RARB: variants seen among roughly 807,000 people sequenced by gnomAD.
The protein encoded by RARB is retinoic acid receptor beta, also known as HBV-activated protein.
In RARB, 17 loss-of-function variants were observed where a neutral mutation model predicts 51.9. The ratio of observed to expected loss-of-function variants is 0.33; its 90% confidence interval spans 0.22 to 0.49. The LOEUF is 0.49. Among genes scored for constraint, RARB ranks in the 20% least tolerant of loss-of-function variants. The pLI is 0.99. For synonymous variants in RARB, 215 were observed against 195.4 expected, an observed-to-expected ratio of 1.10 and a Z score of -0.84; for missense variants, 369 against 550.8, an observed-to-expected ratio of 0.67 and a Z score of 3.30.
chr3:25,034,322 A>G (rs1230936392), intron 2 of RARB, among the ~76,000 whole-genome samples: 1 of 152,230 alleles, frequency 6.6e-6, no homozygotes, highest in Non-Finnish European at 1.5e-5. Context: ...GAAAAAAAGA[A>G]TAGCTGCCTG....
chr3:25,571,250 T>A (rs1700699395), intron 4 of RARB, among the ~76,000 whole-genome samples: 1 of 152,224 alleles, frequency 6.6e-6, no homozygotes, highest in African/African-American at 2.4e-5. Context: ...GCAGTACTTT[T>A]CAAAACTCAG....
intron 2 of RARB, among the ~76,000 whole-genome samples, chr3:24,958,270 T>TTTTTTG (rs1559411545): frequency 5.8e-5 from 8 of 137,828 alleles, no homozygotes; most frequent in Non-Finnish European, 1.2e-4. Flanking sequence ...TTTTTTTTTT[T>TTTTTTG]TTTTTTTTTT....
intron 5 of RARB, among the ~76,000 whole-genome samples, chr3:25,180,174 C>A (rs17015913): frequency 2.6e-5 from 4 of 152,096 alleles, no homozygotes; most frequent in Non-Finnish European, 5.9e-5. Context: ...CTTCAAGTTA[C>A]TTCTGCCAAT....
chr3:25,447,572 C>T (rs970548643), intron 1 of RARB, among the ~76,000 whole-genome samples: 5 of 152,194 alleles, frequency 3.3e-5, no homozygotes, highest in African/African-American at 1.2e-4. Flanking sequence ...CACCTTGGTC[C>T]TTGCAATGAT....
intron 1 of RARB, among the ~76,000 whole-genome samples, chr3:25,442,168 C>G (rs1708722188): frequency 1.4e-5 from 2 of 138,582 alleles, no homozygotes. Flanking sequence ...CGGAGTCTCA[C>G]TCTGTTGCCT....
At chr3:25,544,186 T>C (rs868602489) in intron 3 of RARB, among the ~76,000 whole-genome samples, 1 of 152,298 alleles carries the variant, frequency 6.6e-6, no homozygotes, top group Middle Eastern at 3.4e-3. Flanking sequence ...AAAAATTGGA[T>C]ATATTATTTT....
At chr3:25,457,106 A>T (rs997397991) in intron 1 of RARB, among the ~76,000 whole-genome samples, 3 of 151,740 alleles carry the variant, frequency 2.0e-5, no homozygotes, top group Non-Finnish European at 1.5e-5. Flanking sequence ...AATTTTTTTT[A>T]AAATGGCAAT....
intron 2 of RARB, among the ~76,000 whole-genome samples, chr3:24,960,783 T>C (rs1696122222): frequency 6.6e-6 from 1 of 151,930 alleles, no homozygotes; most frequent in South Asian, 2.1e-4. Context: ...TTAACTTTGG[T>C]GTGTCGCATT....
At chr3:24,999,990 C>G (rs1364196086) in intron 2 of RARB, among the ~76,000 whole-genome samples, 2 of 61,406 alleles carry the variant, frequency 3.3e-5, no homozygotes, top group Non-Finnish European at 5.8e-5. Context: ...CATAAATTCA[C>G]TCCTGAGATC....
chr3:25,388,760 A>G (rs1457070909), intron 5 of RARB, among the ~76,000 whole-genome samples: 1 of 152,180 alleles, frequency 6.6e-6, no homozygotes, highest in African/African-American at 2.4e-5. Flanking sequence ...AACTCAACCT[A>G]AACAATGATG....
chr3:24,953,280 G>C (rs904377042), intron 2 of RARB, among the ~76,000 whole-genome samples: 2 of 151,898 alleles, frequency 1.3e-5, no homozygotes, highest in Non-Finnish European at 2.9e-5. Context: ...CACGGTGGGA[G>C]GAAGAAATGC....
rs980287640 is a variant in RARB, at chr3:25,159,046, G to T, written c.-279-15073G>T. 1.4e-4 allele frequency among the ~76,000 whole-genome samples: 21 copies of T among 151,672 alleles called. No homozygotes were observed. The South Asian group carries it at 2.1e-3, about 15-fold the overall frequency. The stretch of plus-strand genomic sequence containing the variant: ...AGAAGAAGTTGGGAAATACTGTTTG[G>T]CTGTGTAAGTGAAAAAAAAAGAAAA... On this transcript the variant is annotated intron_variant, in intron 4 of 11. Transcript: ENST00000383772.
chr3:25,295,768 A>C (rs188696259), intron 5 of RARB, among the ~76,000 whole-genome samples: 5 of 152,302 alleles, frequency 3.3e-5, no homozygotes, highest in African/African-American at 1.2e-4. Flanking sequence ...TGACTAAGAC[A>C]CTCACATGCT....
rs554821644 is a variant in RARB at position 25,306,438 on chromosome 3, T to C, written c.178+131863T>C. 2.0e-4 allele frequency among the ~76,000 whole-genome samples: 30 copies of C among 152,212 alleles called. 1 individual carries two copies. The highest frequency in any genetic ancestry group is 6.8e-3 in the Middle Eastern group (2 of 294). ...TTTTCTGTTTACATGTAATGTGTTA[T>C]TGATGTCATTACCTTATAATACGGC... On this transcript the variant is annotated intron_variant, in intron 5 of 11. Coordinates refer to the RARB transcript ENST00000383772.
chr3:24,914,011 G>T (rs1041552929), intron 2 of RARB, among the ~76,000 whole-genome samples: 3 of 152,154 alleles, frequency 2.0e-5, no homozygotes, highest in African/African-American at 7.2e-5. Context: ...GATGCAAAAG[G>T]TAGCCACAGG....
chr3:25,149,309 T>C (rs1299302924), intron 4 of RARB, among the ~76,000 whole-genome samples: 1 of 152,210 alleles, frequency 6.6e-6, no homozygotes, highest in Non-Finnish European at 1.5e-5. Context: ...GAAAATCAAA[T>C]AGTTCATTCA....
intron 5 of RARB, among the ~76,000 whole-genome samples, chr3:25,375,703 C>T (rs1465848449): frequency 6.6e-6 from 1 of 152,174 alleles, no homozygotes; most frequent in Non-Finnish European, 1.5e-5. Context: ...GAGAGAATCT[C>T]TACAGTCTTC....
At position 25,389,558 on chromosome 3, in the gene RARB, A is replaced by G. The variant is rs145996801; in HGVS notation, c.179-71635A>G. 3.2e-3 allele frequency among the ~76,000 whole-genome samples: 489 copies of G among 152,308 alleles called. 3 individuals are homozygous for G. Among genetic ancestry groups the G allele is most frequent in the African/African-American group, 0.011 (458 of 41,566 alleles). The stretch of plus-strand genomic sequence containing the variant: ...CATGCTGGTCAGCTCTGCTTGGCAC[A>G]TAGGAAGTTATCATAGTACTTATAA... On this transcript the variant is annotated intron_variant, in intron 5 of 11. Transcript: ENST00000383772.
At chr3:25,074,569 T>G (rs1698832884) in intron 3 of RARB, among the ~76,000 whole-genome samples, 1 of 152,224 alleles carries the variant, frequency 6.6e-6, no homozygotes, top group South Asian at 2.1e-4. Flanking sequence ...TGGTTCACCC[T>G]TCGAAGCCTG....
Sources: allele counts gnomAD v4.1 joint callset (sites outside exome capture counted in the v4.1 genomes callset), GRCh38; gene constraint gnomAD v4.1.1; transcripts MANE v1.5; gene names NCBI Gene and HGNC (gene_info 2026-07-23, HGNC 2026-07-21).